The following IL1RAPL1 variants were observed in gnomAD, a reference collection of about 807,000 sequenced individuals.
The protein encoded by IL1RAPL1 is interleukin 1 receptor accessory protein like 1.
A neutral mutation model predicts 48.4 loss-of-function variants in IL1RAPL1; 3 were observed. The ratio of observed to expected loss-of-function variants is 0.06; its 90% confidence interval spans 0.03 to 0.16. IL1RAPL1 has a LOEUF of 0.16. Among genes scored for constraint, IL1RAPL1 ranks in the 10% least tolerant of loss-of-function variants. IL1RAPL1 has a pLI of 1.00. For missense variants in IL1RAPL1, 349 were observed against 530.6 expected (o/e 0.66, Z 3.36); for synonymous variants, 185 against 187.7 (o/e 0.99, Z 0.12).
intron 5 of IL1RAPL1, among the ~76,000 whole-genome samples, chrX:29,511,657 G>A (rs946596658): frequency 9.0e-6 from 1 of 111,514 alleles, no homozygotes; most frequent in Admixed American, 9.6e-5. Flanking sequence ...AGGCCTATGA[G>A]TCTCCCCATC....
intron 1 of IL1RAPL1, among the ~76,000 whole-genome samples, chrX:28,726,145 A>C (rs187945279): frequency 1.8e-3 from 199 of 111,978 alleles, no homozygotes; most frequent in African/African-American, 5.3e-3. Context: ...TTAAAAAGAC[A>C]GTTTTGATGA....
At chrX:29,134,756 G>C (rs1261061185) in intron 2 of IL1RAPL1, among the ~76,000 whole-genome samples, 3 of 110,649 alleles carry the variant, frequency 2.7e-5, no homozygotes, top group African/African-American at 9.9e-5. Flanking sequence ...GGCTCCTTTG[G>C]TAAAGTTCTT....
In IL1RAPL1 at chrX:29,561,513, C is replaced by T. The variant is rs990409728; in HGVS notation, c.704-106917C>T. Among the ~76,000 whole-genome samples the T allele has an allele frequency of 6.3e-5, 7 of 111,723 alleles. No homozygotes were observed. The Admixed American group carries it at 6.6e-4, about 11-fold the overall frequency. ...CTTTCCCAAGACTATTCAACTGAGC[C>T]AGTTTCTTCTGTGTTATGGGTGAAG... On this transcript the variant is annotated intron_variant, in intron 5 of 10. Transcript: ENST00000378993.
intron 2 of IL1RAPL1, among the ~76,000 whole-genome samples, chrX:29,013,687 A>T (rs1298921479): frequency 1.8e-5 from 2 of 110,891 alleles, no homozygotes; most frequent in Non-Finnish European, 1.9e-5. Context: ...CATGGTGGGG[A>T]ACGACACACA....
chrX:29,884,937 T>C lies in IL1RAPL1; in HGVS notation c.779-32527T>C, dbSNP rs573630035. On this transcript the variant is annotated intron_variant, in intron 6 of 10. Transcript: ENST00000378993. ...TTCTCCAACTCTTATCAACCTGGTA[T>C]AAGGCACTTACCACAGTTTGTTGCT... 1.1e-4 allele frequency among the ~76,000 whole-genome samples: 12 copies of C among 112,066 alleles called. No homozygotes were observed. The South Asian group carries it at 4.5e-3, about 42-fold the overall frequency.
chrX:29,338,816 C>G (rs1933032760), intron 3 of IL1RAPL1, among the ~76,000 whole-genome samples: 2 of 110,531 alleles, frequency 1.8e-5, no homozygotes, highest in South Asian at 7.8e-4. Flanking sequence ...ATTAAAATGG[C>G]CTCTGGCTAC....
At chrX:29,572,457 T>G (rs1422572641) in intron 5 of IL1RAPL1, among the ~76,000 whole-genome samples, 2 of 112,677 alleles carry the variant, frequency 1.8e-5, no homozygotes, top group African/African-American at 6.4e-5. Flanking sequence ...TGTCTTTAAA[T>G]TCACAGGAGA....
intron 4 of IL1RAPL1, among the ~76,000 whole-genome samples, chrX:29,397,265 C>T (rs778729833): frequency 2.7e-5 from 3 of 112,255 alleles, no homozygotes; most frequent in Non-Finnish European, 5.6e-5. Flanking sequence ...AACTGGGCCT[C>T]TTTGTAACTA....
intron 2 of IL1RAPL1, among the ~76,000 whole-genome samples, chrX:28,906,056 G>A (rs1161164444): frequency 8.9e-6 from 1 of 112,195 alleles, no homozygotes. Flanking sequence ...ATGATGGAAG[G>A]CAAGAGGGAA....
rs112585621 is a variant in IL1RAPL1, at chrX:28,982,110, A to G, written c.82+192685A>G. ...CTCCAGAACTGATCAGTGCCACAAA[A>G]TATGATGAGAGAGCAAGGTGTCTGT... On this transcript the variant is annotated intron_variant, in intron 2 of 10. Transcript: ENST00000378993. 1.7e-3 allele frequency among the ~76,000 whole-genome samples: 193 copies of G among 112,277 alleles called. 1 individual carries two copies. Among genetic ancestry groups the G allele is most frequent in the Middle Eastern group, 9.2e-3 (2 of 218 alleles).
intron 3 of IL1RAPL1, among the ~76,000 whole-genome samples, chrX:29,340,370 T>G (rs1933057234): frequency 9.0e-6 from 1 of 111,425 alleles, no homozygotes. Flanking sequence ...TCTTGGCAAT[T>G]ACCAATCTAC....
At chrX:28,788,447 G>A (rs1261605822) in intron 1 of IL1RAPL1, among the ~76,000 whole-genome samples, 1 of 110,512 alleles carries the variant, frequency 9.0e-6, no homozygotes, top group Non-Finnish European at 1.9e-5. Flanking sequence ...TGATTTTTGG[G>A]TAGTTTCGTT....
intron 1 of IL1RAPL1, among the ~76,000 whole-genome samples, chrX:28,748,578 G>A (rs1366154336): frequency 9.0e-6 from 1 of 111,690 alleles, no homozygotes; most frequent in African/African-American, 3.2e-5. Flanking sequence ...ACTGATTCAT[G>A]AATTACCAAC....
intron 2 of IL1RAPL1, among the ~76,000 whole-genome samples, chrX:29,054,354 A>G (rs1198726059): frequency 9.0e-6 from 1 of 111,680 alleles, no homozygotes; most frequent in Non-Finnish European, 1.9e-5. Flanking sequence ...CAGTCTCATC[A>G]GAGAGGCCTT....
intron 3 of IL1RAPL1, among the ~76,000 whole-genome samples, chrX:29,327,811 G>A (rs1354748658): frequency 9.1e-6 from 1 of 109,625 alleles, no homozygotes; most frequent in Non-Finnish European, 1.9e-5. Context: ...AAAACTTATG[G>A]TCTCTTTTGC....
intron 6 of IL1RAPL1, among the ~76,000 whole-genome samples, chrX:29,686,826 G>A (rs767259167): frequency 5.4e-5 from 6 of 110,325 alleles, no homozygotes; most frequent in Admixed American, 4.9e-4. Flanking sequence ...CCAAAGTGCT[G>A]GGATCACAGG....
rs191531633 is a variant in IL1RAPL1, at chrX:29,870,622, A to G, written c.779-46842A>G. 1.6e-4 allele frequency among the ~76,000 whole-genome samples: 18 copies of G among 112,051 alleles called. No homozygotes were observed. The East Asian group carries it at 5.1e-3, about 31-fold the overall frequency. On this transcript the variant is annotated intron_variant, in intron 6 of 10. Transcript: ENST00000378993. ...GCTTACCTGGTTCTCCAGGAATCAT[A>G]GCATAGTTTTTTGAGTACTCTGTCT...
chrX:29,497,332 A>G (rs1250049663), intron 5 of IL1RAPL1, among the ~76,000 whole-genome samples: 1 of 111,358 alleles, frequency 9.0e-6, no homozygotes, highest in Non-Finnish European at 1.9e-5. Flanking sequence ...TAATTCAACA[A>G]TTTTCAACAT....
chrX:28,768,755 C>CTCTCTCTCTCTATATATATATATA (rs1364972830), intron 1 of IL1RAPL1, among the ~76,000 whole-genome samples: 1 of 34,890 alleles, frequency 2.9e-5, no homozygotes, highest in African/African-American at 1.2e-4. Context: ...CTCTCTCTCT[C>CTCTCTCTCTCTATATATATATATA]TATATATATA....
Sources: allele counts gnomAD v4.1 joint callset (sites outside exome capture counted in the v4.1 genomes callset), GRCh38; gene constraint gnomAD v4.1.1; transcripts MANE v1.5; gene names NCBI Gene and HGNC (gene_info 2026-07-23, HGNC 2026-07-21).